Variants in LRP1B observed in about 807,000 individuals in gnomAD.
LRP1B encodes the protein LDL receptor related protein 1B.
Under a neutral mutation model 556.6 loss-of-function variants are expected in LRP1B, and 217 were observed. That is an observed-to-expected ratio of 0.39 (90% CI 0.35 to 0.44). The LOEUF (loss-of-function observed/expected upper bound fraction) is 0.44, where lower values mean the gene tolerates loss of function less well. Among genes scored for constraint, LRP1B ranks in the 20% least tolerant of loss-of-function variants. LRP1B has a pLI of 1.00. For missense variants in LRP1B, 5,053 were observed against 5,620.8 expected (o/e 0.90, Z 3.23); for synonymous variants, 2,047 against 1,865.8 (o/e 1.10, Z -2.50).
intron 1 of LRP1B, among the ~76,000 whole-genome samples, chr2:141,937,234 G>T (rs750788370): frequency 8.6e-5 from 13 of 151,658 alleles, no homozygotes; most frequent in Non-Finnish European, 1.2e-4. Context: ...AAAATTAGCC[G>T]GGTGTGGTGG....
intron 3 of LRP1B, among the ~76,000 whole-genome samples, chr2:141,302,879 T>C (rs1164577431): frequency 6.6e-6 from 1 of 152,054 alleles, no homozygotes; most frequent in Non-Finnish European, 1.5e-5. Flanking sequence ...TATTAATTAA[T>C]AAAGAAATCC....
At chr2:141,626,368 A>C (rs1270530280) in intron 2 of LRP1B, among the ~76,000 whole-genome samples, 1 of 152,174 alleles carries the variant, frequency 6.6e-6, no homozygotes, top group Non-Finnish European at 1.5e-5. Context: ...CTAGAAGATA[A>C]CATAGAAGAA....
chr2:140,627,996 A>C (rs181415631), intron 41 of LRP1B, among the ~76,000 whole-genome samples: 27 of 152,332 alleles, frequency 1.8e-4, no homozygotes, highest in African/African-American at 6.0e-4. Context: ...TAATCTGAAC[A>C]GTTGTTAAGC....
chr2:141,036,759 A>T (rs1444762058), intron 11 of LRP1B, among the ~76,000 whole-genome samples: 1 of 152,074 alleles, frequency 6.6e-6, no homozygotes, highest in Non-Finnish European at 1.5e-5. Flanking sequence ...GGTCCCAGAC[A>T]AAGGTACAGC....
At chr2:141,174,790 A>G (rs1008351109) in intron 7 of LRP1B, among the ~76,000 whole-genome samples, 3 of 152,126 alleles carry the variant, frequency 2.0e-5, no homozygotes, top group Admixed American at 6.6e-5. Context: ...AGAGGTTGAA[A>G]CAGTTTAGAG....
intron 7 of LRP1B, among the ~76,000 whole-genome samples, chr2:141,071,257 C>T (rs1346348881): frequency 3.3e-5 from 5 of 150,204 alleles, no homozygotes; most frequent in Non-Finnish European, 7.4e-5. Context: ...ACAAAAACCA[C>T]ATGATTATCT....
chr2:141,241,626 C>T (rs1321434261), intron 5 of LRP1B, among the ~76,000 whole-genome samples: 3 of 152,068 alleles, frequency 2.0e-5, no homozygotes, highest in Admixed American at 6.6e-5. Flanking sequence ...TCCCAGTACC[C>T]TCATTTCGCT....
At chr2:141,672,991 C>G (rs62166534) in intron 2 of LRP1B, among the ~76,000 whole-genome samples, 13,396 of 152,178 alleles carry the variant, frequency 0.088, 654 homozygotes, top group South Asian at 0.15. Flanking sequence ...CTATGGGTAT[C>G]ATTAACACAT....
chr2:141,761,723 C>G (rs934170824), intron 2 of LRP1B, among the ~76,000 whole-genome samples: 1 of 152,120 alleles, frequency 6.6e-6, no homozygotes, highest in East Asian at 1.9e-4. Flanking sequence ...GCAGCCTGTG[C>G]TTTTTGTCAT....
intron 7 of LRP1B, among the ~76,000 whole-genome samples, chr2:141,068,336 T>G (rs1023804741): frequency 1.1e-4 from 17 of 151,776 alleles, no homozygotes; most frequent in African/African-American, 4.1e-4. Flanking sequence ...AGAGGGGTGC[T>G]CGTATGGGAC....
rs1185397247 is a variant in LRP1B at position 140,598,658 on chromosome 2, C to A, written c.7167G>T (p.Arg2389Ser). The change falls in exon 43 of 91, where the codon AGG becomes AGT. Residue 2389 changes from arginine to serine, a missense_variant. Physicochemically the swap from Arg to Ser is moderately radical, Grantham distance 110. This residue lies in a region of LRP1B where 3,619 missense variants were observed against 3,931.9 expected (regional missense o/e 0.92). Coordinates refer to ENST00000389484, the MANE Select transcript of LRP1B (RefSeq NM_018557.3). ...FSDGSLGKIE[R>S]CEYDGSQRHV... The stretch of plus-strand genomic sequence containing the variant: ...GTCTCTGGGATCCATCGTATTCACA[C>A]CTTTCAATTTTTCCTAGACTGCCAT... 2.5e-6 allele frequency: 4 copies of A among 1,613,430 alleles called. No individual in the cohort carries two copies. The highest frequency in any genetic ancestry group is 3.4e-6 in the Non-Finnish European group (4 of 1,179,672).
chr2:141,999,042 A>G (rs1244036941), intron 1 of LRP1B, among the ~76,000 whole-genome samples: 1 of 152,186 alleles, frequency 6.6e-6, no homozygotes, highest in African/African-American at 2.4e-5. Flanking sequence ...AAAGAAATAT[A>G]TTTTGGGAGA....
chr2:141,219,695 G>T (rs1682957218), intron 6 of LRP1B, among the ~76,000 whole-genome samples: 1 of 151,990 alleles, frequency 6.6e-6, no homozygotes, highest in Non-Finnish European at 1.5e-5. Context: ...GTATTAGCTT[G>T]GTGCCCCTCT....
chr2:141,099,424 A>C (rs2104934568), intron 7 of LRP1B, among the ~76,000 whole-genome samples: 1 of 152,182 alleles, frequency 6.6e-6, no homozygotes, highest in South Asian at 2.1e-4. Context: ...ACTTCCTCTA[A>C]TATCTCAACT....
At position 140,773,031 on chromosome 2, in the gene LRP1B, G is replaced by A. The variant is rs201781900; in HGVS notation, c.5501-2025C>T. ...TGAGAATCATTGAACCCTGGAGACA[G>A]AGGCTGCAGAGATTATACCACTGCA... On this transcript the variant is annotated intron_variant, in intron 33 of 90. Coordinates refer to ENST00000389484, the MANE Select transcript of LRP1B (RefSeq NM_018557.3). Among the ~76,000 whole-genome samples, 10 of 152,060 alleles carry A rather than the reference G, an allele frequency of 6.6e-5. No homozygotes were observed. In the East Asian group the frequency reaches 1.5e-3, roughly 23 times the overall value.
At chr2:140,252,085 AAAAACCC>A in intron 86 of LRP1B, among the ~76,000 whole-genome samples, 11 of 140,014 alleles carry the variant, frequency 7.9e-5, no homozygotes, top group African/African-American at 2.8e-4. Context: ...AAAAAAAAAA[AAAAACCC>A]AAAAAACAAA....
intron 41 of LRP1B, among the ~76,000 whole-genome samples, chr2:140,632,760 G>T (rs1159936843): frequency 6.6e-6 from 1 of 152,114 alleles, no homozygotes; most frequent in South Asian, 2.1e-4. Context: ...ATTATATGTT[G>T]TCTACAAGAA....
chr2:141,671,090 AGTG>A (rs1690648553), intron 2 of LRP1B, among the ~76,000 whole-genome samples: 3 of 152,198 alleles, frequency 2.0e-5, no homozygotes, highest in African/African-American at 7.2e-5. Flanking sequence ...TGCAAAGACT[AGTG>A]CATATAGAAA....
chr2:141,562,028 T>C (rs1686172072), intron 2 of LRP1B, among the ~76,000 whole-genome samples: 1 of 151,910 alleles, frequency 6.6e-6, no homozygotes, highest in Non-Finnish European at 1.5e-5. Context: ...AATGAGGATA[T>C]AAATGTAAGT....
Sources: gnomAD v4.1 joint callset for allele counts (sites outside exome capture counted in the v4.1 genomes callset) on GRCh38, gnomAD v4.1.1 for gene constraint, gnomAD v4.1.1 regional missense constraint, MANE v1.5 for transcripts, NCBI Gene and HGNC (gene_info 2026-07-23, HGNC 2026-07-21) for gene names.